SELENOF: variants seen among roughly 807,000 people sequenced by gnomAD.
The protein encoded by SELENOF is selenoprotein F.
A neutral mutation model predicts 20.5 loss-of-function variants in SELENOF; 16 were observed. That is an observed-to-expected ratio of 0.78 (90% CI 0.53 to 1.19). The LOEUF (loss-of-function observed/expected upper bound fraction) is 1.19, where lower values mean the gene tolerates loss of function less well. Among genes scored for constraint, SELENOF ranks in the 50% most tolerant of loss-of-function variants. The pLI, the probability that SELENOF is intolerant of heterozygous loss-of-function variation, is 0.00. For synonymous variants in SELENOF, 78 were observed against 74.5 expected (o/e 1.05, Z -0.24); for missense variants, 215 against 194.2 (o/e 1.11, Z -0.64).
At chr1:86,863,827 ATT>A (rs1379306570) in intron 4 of SELENOF, among the ~76,000 whole-genome samples, 4 of 152,142 alleles carry the variant, frequency 2.6e-5, no homozygotes, top group Non-Finnish European at 4.4e-5. Context: ...TCATTCATTC[ATT>A]CATGAGAAAG....
At chr1:86,870,519 C>A (rs1172697101) in intron 3 of SELENOF, among the ~76,000 whole-genome samples, 3 of 152,236 alleles carry the variant, frequency 2.0e-5, no homozygotes, top group African/African-American at 7.2e-5. Context: ...CATGCCTTCT[C>A]TACTACATAC....
chr1:86,873,590 C>G (rs1287298843), intron 3 of SELENOF, among the ~76,000 whole-genome samples: 1 of 152,106 alleles, frequency 6.6e-6, no homozygotes, highest in Non-Finnish European at 1.5e-5. Flanking sequence ...GTGGCTCATG[C>G]CTATAATTCC....
At chr1:86,883,003 T>A (rs114797033) in intron 2 of SELENOF, among the ~76,000 whole-genome samples, 4,142 of 151,996 alleles carry the variant, frequency 0.027, 72 homozygotes, top group African/African-American at 0.055. Flanking sequence ...GGCAGGCGCC[T>A]TAATCCCAGC....
At chr1:86,892,180 C>G (rs942692233) in intron 2 of SELENOF, among the ~76,000 whole-genome samples, 4 of 152,024 alleles carry the variant, frequency 2.6e-5, no homozygotes, top group Admixed American at 6.6e-5. Flanking sequence ...GATCCACCCC[C>G]CCGGCACGTT....
At position 86,908,426 on chromosome 1, in the gene SELENOF, T is replaced by C. The variant is rs550442808; in HGVS notation, c.85-4978A>G. 2.0e-5 allele frequency among the ~76,000 whole-genome samples: 3 copies of C among 152,364 alleles called. No individual in the cohort carries two copies. The South Asian group carries it at 6.2e-4, about 32-fold the overall frequency. On this transcript the variant is annotated intron_variant, in intron 1 of 4. Coordinates refer to ENST00000331835, the MANE Select transcript of SELENOF (RefSeq NM_004261.5). ...CCATCTTGTGAAAAAGGTATTGTTATCACCATTTTATAAAGAAAGAAACAG... is the reference window on the plus strand; with the variant it reads ...CCATCTTGTGAAAAAGGTATTGTTACCACCATTTTATAAAGAAAGAAACAG...
chr1:86,901,250 G>A (rs1659699255), intron 2 of SELENOF, among the ~76,000 whole-genome samples: 1 of 152,154 alleles, frequency 6.6e-6, no homozygotes. Flanking sequence ...TGTTATCCAT[G>A]ATCATGTACC....
intron 2 of SELENOF, among the ~76,000 whole-genome samples, chr1:86,884,346 TACACAC>T (rs142756978): frequency 0.028 from 4,061 of 145,468 alleles, 90 homozygotes; most frequent in African/African-American, 0.057. Flanking sequence ...CGCACATACA[TACACAC>T]ACACACACAC....
intron 2 of SELENOF, among the ~76,000 whole-genome samples, chr1:86,893,182 G>C (rs938721717): frequency 6.6e-6 from 1 of 151,996 alleles, no homozygotes; most frequent in African/African-American, 2.4e-5. Flanking sequence ...AGATAATGTA[G>C]GTAAAACACT....
At chr1:86,912,702 C>T (rs1660015269) in intron 1 of SELENOF, among the ~76,000 whole-genome samples, 1 of 152,200 alleles carries the variant, frequency 6.6e-6, no homozygotes, top group Non-Finnish European at 1.5e-5. Context: ...ACAGCACCAA[C>T]TATAAACAGT....
At chr1:86,875,254 C>A (rs1253682924) in intron 3 of SELENOF, among the ~76,000 whole-genome samples, 60 of 146,088 alleles carry the variant, frequency 4.1e-4, no homozygotes, top group South Asian at 2.2e-4. Flanking sequence ...AAAAAAAAAA[C>A]AAAAAAGAAA....
intron 2 of SELENOF, 147 bp downstream of exon 2, chr1:86,903,134 A>T (rs2102125708): frequency 3.1e-6 from 2 of 644,808 alleles, no homozygotes; most frequent in East Asian, 3.1e-5. Context: ...TGATTGAACT[A>T]ATAGGCCAGA....
chr1:86,888,939 T>C (rs764135084), intron 2 of SELENOF, among the ~76,000 whole-genome samples: 18 of 152,340 alleles, frequency 1.2e-4, no homozygotes, highest in Non-Finnish European at 2.6e-4. Context: ...GCCTGGCCAG[T>C]TATGATCATC....
chr1:86,872,189 G>A lies in SELENOF; in HGVS notation c.317-4087C>T, dbSNP rs535249409. 9.9e-5 allele frequency among the ~76,000 whole-genome samples: 15 copies of A among 152,220 alleles called. No individual in the cohort carries two copies. In the South Asian group the frequency reaches 3.1e-3, roughly 32 times the overall value. On this transcript the variant is annotated intron_variant, in intron 3 of 4. Transcript: ENST00000331835. ...CCACATAAACGCAAATATTTATTCC[G>A]TATTTTCCTGATTTTGAAGGTAAAT...
chr1:86,890,401 G>C (rs1659348746), intron 2 of SELENOF, among the ~76,000 whole-genome samples: 1 of 152,092 alleles, frequency 6.6e-6, no homozygotes, highest in South Asian at 2.1e-4. Context: ...AAAAATCAAT[G>C]CATGTGGACA....
chr1:86,892,175 A>AC lies in SELENOF; in HGVS notation c.252+11105dup, dbSNP rs113302136. Among the ~76,000 whole-genome samples, 21 of 150,852 alleles carry AC rather than the reference A, an allele frequency of 1.4e-4. No individual in the cohort carries two copies. In the East Asian group the frequency reaches 2.0e-3, roughly 14 times the overall value. On this transcript the variant is annotated intron_variant, in intron 2 of 4. Transcript: ENST00000331835. ...TCTCGATCTCCTGACCGCATGATCC[A>AC]CCCCCCCGGCACGTTGCCTCCCAAA...
At chr1:86,907,104 C>CTTTG (rs1659848924) in intron 1 of SELENOF, among the ~76,000 whole-genome samples, 1 of 152,194 alleles carries the variant, frequency 6.6e-6, no homozygotes, top group African/African-American at 2.4e-5. Flanking sequence ...TCTTAACACA[C>CTTTG]ATCTAGATTC....
chr1:86,910,359 T>G (rs1476782016), intron 1 of SELENOF, among the ~76,000 whole-genome samples: 1 of 152,130 alleles, frequency 6.6e-6, no homozygotes, highest in Non-Finnish European at 1.5e-5. Context: ...GGATGTTCCA[T>G]CCTGTGGGGG....
chr1:86,894,380 T>C (rs1268462325), intron 2 of SELENOF, among the ~76,000 whole-genome samples: 1 of 152,154 alleles, frequency 6.6e-6, no homozygotes, highest in Non-Finnish European at 1.5e-5. Flanking sequence ...TATAGCTCAA[T>C]TTATTTTCTG....
At chr1:86,874,031 A>C (rs1658859756) in intron 3 of SELENOF, among the ~76,000 whole-genome samples, 2 of 151,992 alleles carry the variant, frequency 1.3e-5, no homozygotes, top group African/African-American at 4.8e-5. Context: ...CCAAATTCTC[A>C]AATGTGTTCA....
Sources: allele counts gnomAD v4.1 joint callset (sites outside exome capture counted in the v4.1 genomes callset), GRCh38; gene constraint gnomAD v4.1.1; transcripts MANE v1.5; gene names NCBI Gene and HGNC (gene_info 2026-07-23, HGNC 2026-07-21).